The following SLC12A8 variants were observed in gnomAD, a reference collection of about 807,000 sequenced individuals.
SLC12A8 encodes cation-chloride cotransporter 9.
SLC12A8 carries 69 observed loss-of-function variants against 75.6 expected under a neutral mutation model. That is an observed-to-expected ratio of 0.91 (90% CI 0.75 to 1.11). SLC12A8 has a LOEUF of 1.11. SLC12A8 is among the 50% of genes most tolerant of loss of function. The pLI, the probability that SLC12A8 is intolerant of heterozygous loss-of-function variation, is 0.00. For synonymous variants in SLC12A8, 365 were observed against 372.8 expected (o/e 0.98, Z 0.24); for missense variants, 877 against 896.7 (o/e 0.98, Z 0.28).
chr3:125,199,007 T>A (rs1935065337), intron 2 of SLC12A8, among the ~76,000 whole-genome samples: 1 of 152,020 alleles, frequency 6.6e-6, no homozygotes, highest in South Asian at 2.1e-4. Flanking sequence ...CTCGATCTCC[T>A]GACCTCGTGA....
intron 5 of SLC12A8, among the ~76,000 whole-genome samples, chr3:125,145,270 A>G (rs1180581519): frequency 2.0e-5 from 3 of 151,974 alleles, no homozygotes; most frequent in Non-Finnish European, 2.9e-5. Flanking sequence ...TGTTTTTTCC[A>G]CTAGACTATG....
chr3:125,168,239 T>C (rs1934333708), intron 5 of SLC12A8, among the ~76,000 whole-genome samples: 1 of 152,210 alleles, frequency 6.6e-6, no homozygotes, highest in South Asian at 2.1e-4. Flanking sequence ...TTCCAAGTTT[T>C]CCAGGCTTGG....
At chr3:125,162,629 G>A (rs1934199471) in intron 5 of SLC12A8, among the ~76,000 whole-genome samples, 1 of 152,222 alleles carries the variant, frequency 6.6e-6, no homozygotes, top group African/African-American at 2.4e-5. Context: ...TGGCAGGCGG[G>A]ACATGGTAAT....
intron 5 of SLC12A8, among the ~76,000 whole-genome samples, chr3:125,169,132 T>C (rs1299645505): frequency 1.3e-5 from 2 of 152,262 alleles, no homozygotes; most frequent in Non-Finnish European, 2.9e-5. Flanking sequence ...GTATTTTCTC[T>C]ATATTTGCCT....
In SLC12A8 at chr3:125,211,351, C is replaced by G. The variant is rs1013883776; in HGVS notation, c.-2G>C. ...CTGCACCTGGGACATCTGGGTCATTCTCCAGCAAGCAGGGATCCTGGTGAT... is the reference window on the plus strand; with the variant it reads ...CTGCACCTGGGACATCTGGGTCATTGTCCAGCAAGCAGGGATCCTGGTGAT... On this transcript the variant is annotated 5_prime_UTR_variant, in exon 2 of 14. Transcript: ENST00000469902. 2.5e-6 allele frequency: 4 copies of G among 1,613,534 alleles called. No individual in the cohort carries two copies. In the African/African-American group the frequency reaches 5.3e-5, roughly 22 times the overall value.
chr3:125,205,566 T>C (rs939517106), intron 2 of SLC12A8, among the ~76,000 whole-genome samples: 7 of 152,140 alleles, frequency 4.6e-5, no homozygotes, highest in Admixed American at 1.3e-4. Context: ...GAGGAAAGGA[T>C]GTCAGTGTGC....
Position 125,110,316 on chromosome 3 carries a change from A to C in SLC12A8, c.932T>G (p.Leu311Arg). Residue 311 changes from leucine to arginine, a missense_variant, in exon 9 of 14, where the codon CTG (leucine) becomes CGG (arginine). By Grantham distance (102) the Leu-to-Arg change is moderately radical. Transcript: ENST00000469902. ...IAEKVSLMGF[L>R]FLLGLYISSL... The stretch of plus-strand genomic sequence containing the variant: ...CGAGATGTATAAGCCCAAAAGGAAC[A>C]GGAAGCCCATGAGGGATACCTGTGT... 1.9e-6 allele frequency: 3 copies of C among 1,613,872 alleles called. No individual in the cohort carries two copies. The highest frequency in any genetic ancestry group is 2.7e-5 in the African/African-American group (2 of 74,992).
rs764488847 is a variant in SLC12A8, at chr3:125,177,846, G to A, written c.519C>T (p.Leu173=). Residue 173 remains leucine, a synonymous_variant, in exon 5 of 14, where the codon CTC becomes CTT. Coordinates refer to ENST00000469902, the MANE Select transcript of SLC12A8 (RefSeq NM_024628.6). Reference sequence around the variant, plus strand: ...GGCGGATTATCCATTTGACACCTGCGAGGTTAATGCCCAGCAAGGCCAGAA... The same window carrying A: ...GGCGGATTATCCATTTGACACCTGCAAGGTTAATGCCCAGCAAGGCCAGAA... ...AVLLALLGIN[L]AGVKWIIRLQ... 14 of 1,614,032 alleles carry A rather than the reference G, an allele frequency of 8.7e-6. No homozygotes were observed. The highest frequency in any genetic ancestry group is 1.1e-5 in the Non-Finnish European group (13 of 1,180,044).
At chr3:125,094,992 T>G in intron 10 of SLC12A8, among the ~76,000 whole-genome samples, 1 of 152,206 alleles carries the variant, frequency 6.6e-6, no homozygotes, top group Non-Finnish European at 1.5e-5. Context: ...GCCCACTCTC[T>G]CAGTCTTCTT....
chr3:125,201,767 C>T (rs75224591), intron 2 of SLC12A8, among the ~76,000 whole-genome samples: 6,044 of 149,514 alleles, frequency 0.04, 270 homozygotes, highest in African/African-American at 0.11. Context: ...AGACTTTTCA[C>T]GTCAAGCGCA....
chr3:125,154,815 G>A (rs867583561), intron 5 of SLC12A8: 49 of 152,324 alleles, frequency 3.2e-4, no homozygotes, highest in African/African-American at 1.1e-3. Context: ...TTACCATGCT[G>A]TATGCACCCT....
chr3:125,112,585 C>T (rs1397430852), intron 8 of SLC12A8, among the ~76,000 whole-genome samples: 4 of 152,150 alleles, frequency 2.6e-5, no homozygotes, highest in South Asian at 2.1e-4. Flanking sequence ...TTGCTGTAAT[C>T]GTGCCCTAGG....
chr3:125,142,783 C>T (rs1276895357), intron 5 of SLC12A8, among the ~76,000 whole-genome samples: 1 of 152,212 alleles, frequency 6.6e-6, no homozygotes, highest in Non-Finnish European at 1.5e-5. Flanking sequence ...TTTTTCAGAA[C>T]CCTTCTAATT....
intron 6 of SLC12A8, among the ~76,000 whole-genome samples, chr3:125,129,107 C>T (rs1226809234): frequency 6.6e-6 from 1 of 152,224 alleles, no homozygotes; most frequent in African/African-American, 2.4e-5. Flanking sequence ...GTGTGGTCAA[C>T]CACAGGCCCA....
chr3:125,156,124 G>A (rs1191598779), intron 5 of SLC12A8, among the ~76,000 whole-genome samples: 3 of 152,224 alleles, frequency 2.0e-5, no homozygotes, highest in South Asian at 2.1e-4. Context: ...TGGCTGAGCT[G>A]TAGTGCTGTG....
At chr3:125,145,436 G>T (rs970372891) in intron 5 of SLC12A8, among the ~76,000 whole-genome samples, 1 of 152,170 alleles carries the variant, frequency 6.6e-6, no homozygotes, top group South Asian at 2.1e-4. Context: ...ACAAAATGTG[G>T]TATATCGATA....
At chr3:125,140,962 G>A (rs1236982330) in intron 5 of SLC12A8, among the ~76,000 whole-genome samples, 1 of 152,134 alleles carries the variant, frequency 6.6e-6, no homozygotes, top group Non-Finnish European at 1.5e-5. Flanking sequence ...CAATTCCTCT[G>A]CTGGTGAAAC....
At chr3:125,149,255 C>T (rs570729060) in intron 5 of SLC12A8, among the ~76,000 whole-genome samples, 5 of 152,372 alleles carry the variant, frequency 3.3e-5, no homozygotes, top group East Asian at 1.9e-4. Flanking sequence ...CCAGGTCCCA[C>T]GGCCTCTTCA....
chr3:125,121,214 T>G lies in SLC12A8; in HGVS notation c.737-528A>C, dbSNP rs115066938. Among the ~76,000 whole-genome samples the G allele has an allele frequency of 9.2e-3, 1,407 of 152,350 alleles. 25 individuals carry two copies. The highest frequency in any genetic ancestry group is 0.032 in the African/African-American group (1,323 of 41,578). On this transcript the variant is annotated intron_variant, in intron 6 of 13. Transcript: ENST00000469902. Reference sequence around the variant, plus strand: ...AAAACCAATCCTGATGCCACTGACATGGAGTCACAAGCTCCTTTTCATCAT... The same window carrying G: ...AAAACCAATCCTGATGCCACTGACAGGGAGTCACAAGCTCCTTTTCATCAT...
Sources: allele counts gnomAD v4.1 joint callset (sites outside exome capture counted in the v4.1 genomes callset), GRCh38; gene constraint gnomAD v4.1.1; transcripts MANE v1.5; gene names NCBI Gene and HGNC (gene_info 2026-07-23, HGNC 2026-07-21).